The following KCNH8 variants were observed in gnomAD, a reference collection of about 807,000 sequenced individuals.
KCNH8 encodes potassium voltage-gated channel subfamily H member 8.
KCNH8 carries 70 observed loss-of-function variants against 103.6 expected under a neutral mutation model. That is an observed-to-expected ratio of 0.68 (90% CI 0.56 to 0.82). KCNH8 has a LOEUF of 0.82. Ranked by LOEUF, KCNH8 falls within the 40% of genes least tolerant of loss-of-function variation. KCNH8 has a pLI of 0.00. For missense variants in KCNH8, 1,217 were observed against 1,329.9 expected, an observed-to-expected ratio of 0.92 and a Z score of 1.32; for synonymous variants, 498 against 489.4, an observed-to-expected ratio of 1.02 and a Z score of -0.23.
chr3:19,346,474 T>C (rs1266006581), intron 4 of KCNH8, among the ~76,000 whole-genome samples: 1 of 152,044 alleles, frequency 6.6e-6, no homozygotes, highest in African/African-American at 2.4e-5. Context: ...ATGAGATGCC[T>C]GTGTGGGTTG....
intron 11 of KCNH8, among the ~76,000 whole-genome samples, chr3:19,504,175 A>G (rs1490524772): frequency 6.6e-6 from 1 of 152,122 alleles, no homozygotes; most frequent in Admixed American, 6.5e-5. Flanking sequence ...TTCTTTCACC[A>G]TATATAAAAG....
chr3:19,498,918 TGAG>T (rs948557154), intron 11 of KCNH8, among the ~76,000 whole-genome samples: 24 of 152,244 alleles, frequency 1.6e-4, no homozygotes, highest in African/African-American at 5.8e-4. Context: ...GGGACCCACT[TGAG>T]GAGGCAGTCT....
At chr3:19,383,556 A>G (rs959414083) in intron 5 of KCNH8, among the ~76,000 whole-genome samples, 1 of 152,058 alleles carries the variant, frequency 6.6e-6, no homozygotes, top group East Asian at 1.9e-4. Context: ...ATTTTTTAAT[A>G]GAGACGGGGT....
chr3:19,182,068 A>T (rs1354138378), intron 1 of KCNH8, among the ~76,000 whole-genome samples: 1 of 152,032 alleles, frequency 6.6e-6, no homozygotes, highest in African/African-American at 2.4e-5. Context: ...AAACCCCAAA[A>T]CTGTTCTTTT....
chr3:19,432,971 T>A (rs2067144575), intron 7 of KCNH8, among the ~76,000 whole-genome samples: 1 of 152,110 alleles, frequency 6.6e-6, no homozygotes, highest in Non-Finnish European at 1.5e-5. Flanking sequence ...TGGCTTCAGA[T>A]TGTTTAGGGT....
intron 11 of KCNH8, among the ~76,000 whole-genome samples, chr3:19,495,994 T>G (rs775518080): frequency 6.6e-6 from 1 of 151,134 alleles, no homozygotes; most frequent in Non-Finnish European, 1.5e-5. Context: ...GATTTGGCTC[T>G]TAGATTGGAT....
chr3:19,282,724 T>G (rs745415163), intron 3 of KCNH8, among the ~76,000 whole-genome samples: 1 of 152,098 alleles, frequency 6.6e-6, no homozygotes, highest in Non-Finnish European at 1.5e-5. Flanking sequence ...AGGGGAGAAA[T>G]CCCCATCTTG....
intron 2 of KCNH8, among the ~76,000 whole-genome samples, chr3:19,257,553 A>T (rs1363184084): frequency 1.3e-5 from 2 of 152,052 alleles, no homozygotes; most frequent in African/African-American, 4.8e-5. Flanking sequence ...TCATGATTGG[A>T]TGTACCAGCC....
chr3:19,291,748 T>C (rs1435086624), intron 3 of KCNH8, among the ~76,000 whole-genome samples: 2 of 152,190 alleles, frequency 1.3e-5, no homozygotes, highest in Non-Finnish European at 2.9e-5. Flanking sequence ...GTTCTGTAGA[T>C]GTCTATTAGG....
chr3:19,374,875 G>A (rs1672141817), intron 5 of KCNH8, among the ~76,000 whole-genome samples: 1 of 151,998 alleles, frequency 6.6e-6, no homozygotes, highest in South Asian at 2.1e-4. Context: ...AGCTTAGTTT[G>A]GCTGGATATG....
At chr3:19,159,366 A>G (rs1163822915) in intron 1 of KCNH8, among the ~76,000 whole-genome samples, 2 of 151,894 alleles carry the variant, frequency 1.3e-5, no homozygotes, top group African/African-American at 4.8e-5. Context: ...ATATATATAC[A>G]CATATATGAT....
chr3:19,301,121 C>G (rs144528414), intron 3 of KCNH8, among the ~76,000 whole-genome samples: 1 of 151,532 alleles, frequency 6.6e-6, no homozygotes, highest in Non-Finnish European at 1.5e-5. Context: ...GGTCACAAAG[C>G]TAAAAAGTGG....
chr3:19,180,264 T>TCAAAGGGCCAAGACAGACTTGGCCCTG, intron 1 of KCNH8, among the ~76,000 whole-genome samples: 1 of 147,634 alleles, frequency 6.8e-6, no homozygotes, highest in Non-Finnish European at 1.5e-5. Flanking sequence ...ACTTGGCCCT[T>TCAAAGGGCCAAGACAGACTTGGCCCTG]CAAAGGGCCA....
rs2065676806 is a variant in KCNH8 at position 19,342,650 on chromosome 3, C to T, written c.506C>T (p.Ala169Val). ...GACTCAGCCCGGAGACGGAGTCGAG[C>T]AGTCCTTTATCACATCTCTGGGCAC... Reference protein sequence around the residue: ...HFDSARRRSRAVLYHISGHLQ... With the variant: ...HFDSARRRSRVVLYHISGHLQ... The change falls in exon 4 of 16, where the codon GCA (alanine) becomes GTA (valine). Residue 169 changes from alanine (A) to valine (V), a missense_variant. Ala to Val is a moderately conservative substitution (Grantham distance 64, BLOSUM62 0). This residue lies in a region of KCNH8 where 244 missense variants were observed against 256.8 expected (regional missense o/e 0.95). Transcript: ENST00000328405. 2 of 1,610,982 alleles carry T rather than the reference C, an allele frequency of 1.2e-6. No individual in the cohort carries two copies.
intron 7 of KCNH8, among the ~76,000 whole-genome samples, chr3:19,428,172 A>G (rs2067057158): frequency 6.6e-6 from 1 of 152,260 alleles, no homozygotes; most frequent in African/African-American, 2.4e-5. Context: ...TAGTAGGATT[A>G]AATTAGATAG....
chr3:19,219,027 A>G (rs2063844736), intron 1 of KCNH8, among the ~76,000 whole-genome samples: 1 of 152,144 alleles, frequency 6.6e-6, no homozygotes, highest in Non-Finnish European at 1.5e-5. Context: ...ATGAATTTGG[A>G]CACAATTCAG....
intron 5 of KCNH8, among the ~76,000 whole-genome samples, chr3:19,366,578 T>G (rs1459549983): frequency 6.6e-6 from 1 of 152,102 alleles, no homozygotes; most frequent in Non-Finnish European, 1.5e-5. Context: ...AGAAACTTAA[T>G]GTAATGAAAG....
intron 11 of KCNH8, among the ~76,000 whole-genome samples, chr3:19,484,195 G>C (rs1178813142): frequency 2.0e-5 from 3 of 152,122 alleles, no homozygotes; most frequent in Non-Finnish European, 4.4e-5. Flanking sequence ...CTGTGGACAT[G>C]GGAGGCCCAG....
chr3:19,454,601 C>T (rs1029308384), intron 10 of KCNH8, among the ~76,000 whole-genome samples: 2 of 152,084 alleles, frequency 1.3e-5, no homozygotes, highest in African/African-American at 4.8e-5. Flanking sequence ...CACTAGAGCA[C>T]AATAAGTACA....
Sources: gnomAD v4.1 joint callset for allele counts (sites outside exome capture counted in the v4.1 genomes callset) on GRCh38, gnomAD v4.1.1 for gene constraint, gnomAD v4.1.1 regional missense constraint, MANE v1.5 for transcripts, NCBI Gene and HGNC (gene_info 2026-07-23, HGNC 2026-07-21) for gene names.